The following CCBE1 variants were observed in gnomAD, a reference collection of about 807,000 sequenced individuals.
CCBE1 encodes the protein collagen and calcium-binding EGF domain-containing protein 1.
In CCBE1, 37 loss-of-function variants were observed where a neutral mutation model predicts 50.0. The ratio of observed to expected loss-of-function variants is 0.74; its 90% CI spans 0.57 to 0.97. The LOEUF (loss-of-function observed/expected upper bound fraction) is 0.97. CCBE1 is among the 50% of genes least tolerant of loss of function. The pLI, the probability that CCBE1 is intolerant of heterozygous loss-of-function variation, is 0.00. For missense variants in CCBE1, 538 were observed against 523.8 expected (o/e 1.03, Z -0.26); for synonymous variants, 234 against 203.7 (o/e 1.15, Z -1.27).
At chr18:59,458,674 C>A (rs1451977913) in intron 5 of CCBE1, among the ~76,000 whole-genome samples, 1 of 152,204 alleles carries the variant, frequency 6.6e-6, no homozygotes, top group Non-Finnish European at 1.5e-5. Flanking sequence ...TGGGTCCCAG[C>A]TGGCCGTTTT....
chr18:59,510,207 A>G (rs983121875), intron 2 of CCBE1, among the ~76,000 whole-genome samples: 2 of 152,186 alleles, frequency 1.3e-5, no homozygotes, highest in Non-Finnish European at 2.9e-5. Context: ...TGCTGTGTGA[A>G]TGGCAGAGGA....
intron 2 of CCBE1, among the ~76,000 whole-genome samples, chr18:59,595,561 G>T (rs1340563915): frequency 6.6e-6 from 1 of 152,188 alleles, no homozygotes; most frequent in Non-Finnish European, 1.5e-5. Context: ...CTAAAAGCCA[G>T]ATCAAGTTCC....
intron 2 of CCBE1, among the ~76,000 whole-genome samples, chr18:59,626,578 C>T (rs1407731924): frequency 1.3e-5 from 2 of 152,238 alleles, no homozygotes; most frequent in African/African-American, 4.8e-5. Context: ...TCATTTACCT[C>T]ATTTAATCTT....
At chr18:59,689,068 C>T (rs928271861) in intron 2 of CCBE1, among the ~76,000 whole-genome samples, 1 of 152,168 alleles carries the variant, frequency 6.6e-6, no homozygotes, top group Non-Finnish European at 1.5e-5. Flanking sequence ...GCTTTCAAGA[C>T]AAAAACTACT....
chr18:59,503,763 T>TTGCAAAGTA (rs372817028), intron 2 of CCBE1, among the ~76,000 whole-genome samples: 41 of 152,192 alleles, frequency 2.7e-4, no homozygotes, highest in African/African-American at 9.4e-4. Flanking sequence ...TCAAATTCTT[T>TTGCAAAGTA]TGCAAAGTAC....
intron 2 of CCBE1, among the ~76,000 whole-genome samples, chr18:59,595,344 C>G (rs2053336109): frequency 6.6e-6 from 1 of 152,088 alleles, no homozygotes; most frequent in African/African-American, 2.4e-5. Flanking sequence ...TTGATCCCAC[C>G]TCTGGCCTTC....
chr18:59,675,041 C>T (rs1053340619), intron 2 of CCBE1, among the ~76,000 whole-genome samples: 8 of 152,004 alleles, frequency 5.3e-5, no homozygotes, highest in African/African-American at 1.9e-4. Context: ...CTTTATCGAC[C>T]ATGGCTTTTC....
At chr18:59,551,349 A>G (rs950223964) in intron 2 of CCBE1, among the ~76,000 whole-genome samples, 1 of 152,240 alleles carries the variant, frequency 6.6e-6, no homozygotes, top group Non-Finnish European at 1.5e-5. Flanking sequence ...GATACTAACC[A>G]TAAGTACAGC....
intron 3 of CCBE1, among the ~76,000 whole-genome samples, chr18:59,478,965 C>T (rs1598936289): frequency 1.3e-5 from 2 of 152,304 alleles, no homozygotes; most frequent in South Asian, 2.1e-4. Flanking sequence ...CCTATGGCAG[C>T]TTTCTCAAAG....
At chr18:59,489,988 T>TG (rs1157995378) in intron 2 of CCBE1, among the ~76,000 whole-genome samples, 1 of 16,430 alleles carries the variant, frequency 6.1e-5, no homozygotes. Context: ...GCATAAGGAG[T>TG]TTTTTTTTTT....
intron 10 of CCBE1, among the ~76,000 whole-genome samples, chr18:59,437,589 T>C (rs1307002136): frequency 6.6e-6 from 1 of 152,258 alleles, no homozygotes; most frequent in Non-Finnish European, 1.5e-5. Context: ...GAATTTTCTA[T>C]GCTTTTGAAT....
At chr18:59,533,678 C>T (rs1164473516) in intron 2 of CCBE1, among the ~76,000 whole-genome samples, 4 of 152,124 alleles carry the variant, frequency 2.6e-5, no homozygotes, top group Non-Finnish European at 2.9e-5. Flanking sequence ...GTATCATCCA[C>T]GTTAAAAACA....
At chr18:59,666,344 C>T (rs1258501520) in intron 2 of CCBE1, among the ~76,000 whole-genome samples, 1 of 152,176 alleles carries the variant, frequency 6.6e-6, no homozygotes, top group Non-Finnish European at 1.5e-5. Flanking sequence ...TGGGTGGAGA[C>T]ACAGCCAAAC....
intron 2 of CCBE1, among the ~76,000 whole-genome samples, chr18:59,583,687 G>A (rs781341560): frequency 1.2e-4 from 11 of 88,584 alleles, no homozygotes; most frequent in Admixed American, 5.5e-4. Context: ...GTGTGCGCGC[G>A]CGCGCGCGCG....
intron 2 of CCBE1, among the ~76,000 whole-genome samples, chr18:59,504,082 C>T (rs565141083): frequency 7.2e-5 from 11 of 152,256 alleles, no homozygotes; most frequent in Non-Finnish European, 1.5e-4. Flanking sequence ...TCACTCACTG[C>T]CTGAGTGAAC....
chr18:59,547,665 C>T (rs1361837036), intron 2 of CCBE1, among the ~76,000 whole-genome samples: 2 of 152,132 alleles, frequency 1.3e-5, no homozygotes, highest in African/African-American at 4.8e-5. Flanking sequence ...GAGCTGAAGA[C>T]AATTTTGGTC....
intron 3 of CCBE1, 87 bp downstream of exon 3, chr18:59,480,099 C>A: frequency 1.1e-6 from 1 of 913,926 alleles, no homozygotes; most frequent in Non-Finnish European, 1.8e-6. Flanking sequence ...ACAGATAAGA[C>A]CTATATTCCA....
At chr18:59,570,270 G>A (rs2052890433) in intron 2 of CCBE1, among the ~76,000 whole-genome samples, 1 of 152,348 alleles carries the variant, frequency 6.6e-6, no homozygotes, top group East Asian at 1.9e-4. Context: ...CCACAAGGGA[G>A]AGGAACAATA....
intron 2 of CCBE1, among the ~76,000 whole-genome samples, chr18:59,618,269 G>C (rs943266354): frequency 2.0e-5 from 3 of 151,854 alleles, no homozygotes; most frequent in Non-Finnish European, 4.4e-5. Context: ...GGAAACATCA[G>C]GAGACCCACT....
Sources: allele counts gnomAD v4.1 joint callset (sites outside exome capture counted in the v4.1 genomes callset), GRCh38; gene constraint gnomAD v4.1.1; transcripts MANE v1.5; gene names NCBI Gene and HGNC (gene_info 2026-07-23, HGNC 2026-07-21).